The following TNC variants were observed in gnomAD, a reference collection of about 807,000 sequenced individuals.
TNC encodes the protein tenascin C.
A neutral mutation model predicts 202.4 loss-of-function variants in TNC; 109 were observed. The ratio of observed to expected loss-of-function variants is 0.54; its 90% CI spans 0.46 to 0.63. The LOEUF (loss-of-function observed/expected upper bound fraction) is 0.63. Ranked by LOEUF, TNC falls within the 30% of genes least tolerant of loss-of-function variation. The probability of loss-of-function intolerance (pLI) is 0.00; values close to 1 mark genes in which losing one functional copy is unlikely to be tolerated. For synonymous variants in TNC, 1,007 were observed against 1,089.7 expected (o/e 0.92, Z 1.50); for missense variants, 2,756 against 2,833.3 (o/e 0.97, Z 0.62).
At chr9:115,091,572 C>A (rs1206347713) in intron 1 of TNC, among the ~76,000 whole-genome samples, 1 of 152,116 alleles carries the variant, frequency 6.6e-6, no homozygotes, top group African/African-American at 2.4e-5. Flanking sequence ...TCATTAATTC[C>A]TTCAGTATTT....
chr9:115,036,356 G>T, intron 20 of TNC, 115 bp from the exon 21 acceptor site: 1 of 1,159,336 alleles, frequency 8.6e-7, no homozygotes. Context: ...GTGACCCTGC[G>T]GAAAAGCAGG....
At chr9:115,055,161 T>C (rs1420675375) in intron 15 of TNC, among the ~76,000 whole-genome samples, 6 of 152,158 alleles carry the variant, frequency 3.9e-5, no homozygotes, top group Middle Eastern at 3.4e-3. Context: ...ATGGGTGGGA[T>C]TGAAAAAGAT....
chr9:115,045,557 T>G (rs1406812686), intron 17 of TNC, among the ~76,000 whole-genome samples: 1 of 146,110 alleles, frequency 6.8e-6, no homozygotes, highest in African/African-American at 2.6e-5. Context: ...TTTTTTTTTT[T>G]TTTTTGCACA....
rs1482921826 is a variant in TNC at position 115,095,600 on chromosome 9, ATATATATG to A, written c.-136-4454_-136-4447del. Among the ~76,000 whole-genome samples the A allele has an allele frequency of 4.7e-3, 10 of 2,146 alleles. 5 individuals carry two copies. Among genetic ancestry groups the A allele is most frequent in the African/African-American group, 3.9e-3 (4 of 1,016 alleles). The allele number at this position is 2,146 out of a possible 152,430, so 1.4% of individuals were successfully genotyped here. On this transcript the variant is annotated intron_variant, in intron 1 of 27. Coordinates refer to ENST00000350763, the MANE Select transcript of TNC (RefSeq NM_002160.4). ...TGTATATATATGTATATATATGTATATATATATGTATATATGTATATATATATGTATAT... is the reference window on the plus strand; with the variant it reads ...TGTATATATATGTATATATATGTATATATATATGTATATATATATGTATAT...
intron 1 of TNC, among the ~76,000 whole-genome samples, chr9:115,103,231 C>A (rs1836365926): frequency 6.6e-6 from 1 of 152,156 alleles, no homozygotes; most frequent in Non-Finnish European, 1.5e-5. Flanking sequence ...TCTCTATGAT[C>A]AAGTAAACTC....
At chr9:115,096,226 G>C (rs575751012) in intron 1 of TNC, among the ~76,000 whole-genome samples, 2 of 152,304 alleles carry the variant, frequency 1.3e-5, no homozygotes, top group South Asian at 2.1e-4. Flanking sequence ...TTCCCCGTGA[G>C]ATAGAAAATT....
At chr9:115,065,422 T>G (rs1311314431) in intron 10 of TNC, among the ~76,000 whole-genome samples, 1 of 152,150 alleles carries the variant, frequency 6.6e-6, no homozygotes, top group African/African-American at 2.4e-5. Context: ...AAATTTCTTT[T>G]GCCTTCATGC....
chr9:115,058,044 T>C (rs1832267836), intron 14 of TNC, among the ~76,000 whole-genome samples: 1 of 152,246 alleles, frequency 6.6e-6, no homozygotes, highest in Non-Finnish European at 1.5e-5. Context: ...CATTCTCATA[T>C]TCTGTTAAAA....
chr9:115,088,209 T>C (rs568838814), intron 2 of TNC, among the ~76,000 whole-genome samples: 2 of 152,366 alleles, frequency 1.3e-5, no homozygotes, highest in African/African-American at 4.8e-5. Flanking sequence ...CCGAGTTAAG[T>C]AAACCCCTTA....
At chr9:115,042,806 G>C (rs1830864659) in intron 17 of TNC, among the ~76,000 whole-genome samples, 1 of 152,110 alleles carries the variant, frequency 6.6e-6, no homozygotes, top group African/African-American at 2.4e-5. Flanking sequence ...CCATTTTACA[G>C]AGAACCAAAC....
rs10982518 is a variant in TNC, at chr9:115,087,387, C to G, written c.458-114G>C. 99,417 of 1,029,008 alleles carry G rather than the reference C, an allele frequency of 0.097. 5,243 individuals are homozygous for G. Among genetic ancestry groups the G allele is most frequent in the Middle Eastern group, 0.15 (479 of 3,124 alleles). 63.7% of individuals were successfully genotyped at this position (1,029,008 alleles called of 1,614,324 possible). ...TGAAGGACGGTTGCACCCTCAGGCT[C>G]CATCTGGCTTGAGAACCATTTGTTG... On this transcript the variant is annotated intron_variant, in intron 2 of 27. Coordinates refer to ENST00000350763, the MANE Select transcript of TNC (RefSeq NM_002160.4).
Position 115,041,008 on chromosome 9 carries a change from G to A in TNC, c.5325C>T (p.Tyr1775=). 6.2e-7 allele frequency: 1 copy of A among 1,614,004 alleles called. No homozygotes were observed. The highest frequency in any genetic ancestry group is 8.5e-7 in the Non-Finnish European group (1 of 1,180,002). Residue 1775 remains tyrosine (Y), a synonymous_variant, in exon 19 of 28, where the codon TAC becomes TAT. Transcript: ENST00000350763. The part of the protein sequence containing the change: ...RLVKLIPGVE[Y]LVSIIAMKGF... ...CCTTCATGGCGATGATGCTGACAAG[G>A]TACTCCACGCCAGGTATGAGTTTCA...
chr9:115,078,457 C>T (rs1834051712), intron 6 of TNC, among the ~76,000 whole-genome samples: 1 of 150,022 alleles, frequency 6.7e-6, no homozygotes, highest in Non-Finnish European at 1.5e-5. Flanking sequence ...GCTTGCAAAG[C>T]ATCTAGCACA....
At chr9:115,049,073 T>G (rs1454327481) in intron 15 of TNC, among the ~76,000 whole-genome samples, 1 of 20,898 alleles carries the variant, frequency 4.8e-5, no homozygotes, top group African/African-American at 5.1e-4. Flanking sequence ...AGGAGGTAAG[T>G]TTTTTTTGTG....
At chr9:115,049,992 C>T (rs367958145) in intron 15 of TNC, among the ~76,000 whole-genome samples, 34 of 152,248 alleles carry the variant, frequency 2.2e-4, no homozygotes, top group East Asian at 1.9e-4. Context: ...GTTTTTTCCA[C>T]GTAAAGATTT....
intron 20 of TNC, among the ~76,000 whole-genome samples, chr9:115,037,787 C>T (rs2131858407): frequency 6.6e-6 from 1 of 152,328 alleles, no homozygotes; most frequent in African/African-American, 2.4e-5. Context: ...CCTGGCCTCC[C>T]AAAGTGCTGG....
chr9:115,040,906 A>AAAAC (rs1554793675), intron 19 of TNC, 35 bp downstream of exon 19: 25 of 1,478,174 alleles, frequency 1.7e-5, no homozygotes, highest in Non-Finnish European at 2.1e-5. Flanking sequence ...GAAAAATAGT[A>AAAAC]ACACACACAC....
rs576620103 is a variant in TNC, at chr9:115,045,834, C to G, written c.5125+576G>C. 4.6e-5 allele frequency among the ~76,000 whole-genome samples: 7 copies of G among 152,022 alleles called. No individual in the cohort carries two copies. In the South Asian group the frequency reaches 1.0e-3, roughly 23 times the overall value. ...GCTTCATAAACAGTAGCATGTTAAT[C>G]TTGCCAGCTCTCTCCTTTATCCTTG... On this transcript the variant is annotated intron_variant, in intron 17 of 27. Transcript: ENST00000350763.
intron 1 of TNC, among the ~76,000 whole-genome samples, chr9:115,101,176 C>T (rs1485535942): frequency 6.6e-6 from 1 of 152,132 alleles, no homozygotes; most frequent in Non-Finnish European, 1.5e-5. Context: ...TGTATAATCG[C>T]AAAGCTCATA....
Sources: allele counts gnomAD v4.1 joint callset (sites outside exome capture counted in the v4.1 genomes callset), GRCh38; gene constraint gnomAD v4.1.1; transcripts MANE v1.5; gene names NCBI Gene and HGNC (gene_info 2026-07-23, HGNC 2026-07-21).